The following TENM3 variants were observed in gnomAD, a reference collection of about 807,000 sequenced individuals.
TENM3 encodes the protein teneurin transmembrane protein 3, also known as teneurin-3.
Under a neutral mutation model 255.1 loss-of-function variants are expected in TENM3, and 63 were observed. That is an observed-to-expected ratio of 0.25 (90% confidence interval 0.20 to 0.30). The LOEUF is 0.30. TENM3 is among the 10% of genes least tolerant of loss of function. TENM3 has a pLI of 1.00. For synonymous variants in TENM3, 1,306 were observed against 1,322.3 expected, an observed-to-expected ratio of 0.99 and a Z score of 0.27; for missense variants, 2,929 against 3,461.1, an observed-to-expected ratio of 0.85 and a Z score of 3.86.
chr4:181,815,479 A>AAAAAAAAG, the TENM3 span, among the ~76,000 whole-genome samples: 1 of 148,784 alleles, frequency 6.7e-6, no homozygotes, highest in South Asian at 2.2e-4. Context: ...AAAAAAAAAA[A>AAAAAAAAG]GGTGTAGAGG....
intron 3 of TENM3, among the ~76,000 whole-genome samples, chr4:182,459,040 C>T (rs576242857): frequency 6.6e-6 from 1 of 152,208 alleles, no homozygotes; most frequent in East Asian, 1.9e-4. Context: ...CGTTTATTTC[C>T]AAGTCACAGA....
At chr4:181,704,099 A>T in the TENM3 span, among the ~76,000 whole-genome samples, 2 of 152,190 alleles carry the variant, frequency 1.3e-5, no homozygotes, top group Non-Finnish European at 2.9e-5. Flanking sequence ...CAACCCAAAT[A>T]ACATCAAAAT....
At chr4:182,723,421 G>A (rs573209872) in intron 13 of TENM3, among the ~76,000 whole-genome samples, 2 of 152,226 alleles carry the variant, frequency 1.3e-5, no homozygotes, top group South Asian at 4.1e-4. Flanking sequence ...GAGGGGTGGG[G>A]GCGAAGTACC....
chr4:181,747,301 T>C, the TENM3 span, among the ~76,000 whole-genome samples: 345 of 152,272 alleles, frequency 2.3e-3, 2 homozygotes, highest in African/African-American at 7.7e-3. Context: ...AGAATTTTTC[T>C]ATTTCTATAA....
chr4:182,465,818 A>G lies in TENM3; in HGVS notation c.511+118889A>G, dbSNP rs76052318. ...AACAGTTTTTATAATACTGTAACTCATATAATTTAATAAATATTGACCAGT... is the reference window on the plus strand; with the variant it reads ...AACAGTTTTTATAATACTGTAACTCGTATAATTTAATAAATATTGACCAGT... On this transcript the variant is annotated intron_variant, in intron 3 of 27. Coordinates refer to ENST00000511685, the MANE Select transcript of TENM3 (RefSeq NM_001080477.4). 9.8e-3 allele frequency among the ~76,000 whole-genome samples: 1,490 copies of G among 152,278 alleles called. 37 individuals carry two copies. The East Asian group carries it at 0.099, about 10-fold the overall frequency.
chr4:182,251,735 A>T (rs1009585512), intron 1 of TENM3, among the ~76,000 whole-genome samples: 12 of 152,216 alleles, frequency 7.9e-5, no homozygotes, highest in African/African-American at 2.9e-4. Flanking sequence ...ACATGCTGAC[A>T]CTGTGTATCT....
chr4:182,512,354 C>T (rs1207809505), intron 3 of TENM3, among the ~76,000 whole-genome samples: 1 of 152,082 alleles, frequency 6.6e-6, no homozygotes, highest in Non-Finnish European at 1.5e-5. Context: ...ATGGGAAGAG[C>T]CCACGTCTGA....
chr4:182,013,878 CTTATATA>C, the TENM3 span, among the ~76,000 whole-genome samples: 3 of 149,238 alleles, frequency 2.0e-5, no homozygotes, highest in South Asian at 2.1e-4. Flanking sequence ...ATATGTAATA[CTTATATA>C]TTATAAAGTA....
the TENM3 span, among the ~76,000 whole-genome samples, chr4:181,514,494 G>A: frequency 6.6e-6 from 1 of 152,034 alleles, no homozygotes; most frequent in African/African-American, 2.4e-5. Flanking sequence ...TTTTTCCCTT[G>A]AATTTTATAA....
the TENM3 span, among the ~76,000 whole-genome samples, chr4:181,740,906 C>T: frequency 2.6e-5 from 4 of 152,032 alleles, no homozygotes; most frequent in Non-Finnish European, 4.4e-5. Context: ...ATACAGAGCC[C>T]CACTTAAAAA....
the TENM3 span, among the ~76,000 whole-genome samples, chr4:182,020,656 G>A: frequency 1.3e-5 from 2 of 152,108 alleles, no homozygotes; most frequent in Non-Finnish European, 2.9e-5. Flanking sequence ...CTAGGTACCC[G>A]ATAAATATAT....
the TENM3 span, among the ~76,000 whole-genome samples, chr4:182,116,517 A>C: frequency 1.3e-5 from 2 of 152,048 alleles, no homozygotes; most frequent in Non-Finnish European, 2.9e-5. Flanking sequence ...ATGGTTTTAT[A>C]AGTGTCTGGC....
chr4:181,714,346 G>T, the TENM3 span, among the ~76,000 whole-genome samples: 1 of 152,232 alleles, frequency 6.6e-6, no homozygotes, highest in African/African-American at 2.4e-5. Context: ...GGAGGCTGGG[G>T]TGAGAGGATC....
chr4:181,999,986 G>A, the TENM3 span, among the ~76,000 whole-genome samples: 1 of 151,972 alleles, frequency 6.6e-6, no homozygotes, highest in Non-Finnish European at 1.5e-5. Flanking sequence ...CCAAACCTGT[G>A]AAAATTTTCA....
intron 2 of TENM3, among the ~76,000 whole-genome samples, chr4:182,341,694 T>C (rs1482091604): frequency 6.6e-6 from 1 of 152,248 alleles, no homozygotes; most frequent in Non-Finnish European, 1.5e-5. Flanking sequence ...GGTGATTTTA[T>C]TTCTATAGGA....
chr4:182,620,995 CA>C (rs1750073565), intron 4 of TENM3, among the ~76,000 whole-genome samples: 1 of 152,078 alleles, frequency 6.6e-6, no homozygotes, highest in Non-Finnish European at 1.5e-5. Context: ...TCCTGGCTAA[CA>C]AAGTGAAACC....
chr4:182,625,839 C>T (rs928638591), intron 4 of TENM3, among the ~76,000 whole-genome samples: 8 of 152,140 alleles, frequency 5.3e-5, no homozygotes, highest in Admixed American at 2.0e-4. Flanking sequence ...TGCTGAGCCT[C>T]CTGCTCACTC....
the TENM3 span, among the ~76,000 whole-genome samples, chr4:181,978,904 C>T: frequency 6.8e-6 from 1 of 147,364 alleles, no homozygotes; most frequent in Admixed American, 6.8e-5. Flanking sequence ...TGAGGAGAGC[C>T]ACAATGGGTA....
the TENM3 span, among the ~76,000 whole-genome samples, chr4:181,502,157 G>A: frequency 7.2e-5 from 11 of 152,324 alleles, no homozygotes; most frequent in South Asian, 1.9e-3. Flanking sequence ...TTTAGGCAAC[G>A]AAACTCTTCT....
Sources: gnomAD v4.1 joint callset for allele counts (sites outside exome capture counted in the v4.1 genomes callset) on GRCh38, gnomAD v4.1.1 for gene constraint, MANE v1.5 for transcripts, NCBI Gene and HGNC (gene_info 2026-07-23, HGNC 2026-07-21) for gene names.